Variants in ZFYVE28 observed in about 807,000 individuals in gnomAD.
ZFYVE28 encodes zinc finger FYVE-type containing 28, also known as lateral signaling target protein 2 homolog.
In ZFYVE28, 40 loss-of-function variants were observed where a neutral mutation model predicts 82.1. That is an observed-to-expected ratio of 0.49 (90% CI 0.38 to 0.63). The LOEUF is 0.63. Among genes scored for constraint, ZFYVE28 ranks in the 30% least tolerant of loss-of-function variants. The pLI is 0.00. For synonymous variants in ZFYVE28, 612 were observed against 546.1 expected (o/e 1.12, Z -1.68); for missense variants, 1,321 against 1,242.1 (o/e 1.06, Z -0.96).
Position 2,305,414 on chromosome 4 carries a change from G to A in ZFYVE28, c.926C>T (p.Ala309Val), listed in dbSNP as rs757502325. 1 of 1,612,842 alleles carries A rather than the reference G, an allele frequency of 6.2e-7. No homozygotes were observed. Among genetic ancestry groups the A allele is most frequent in the Non-Finnish European group, 8.5e-7 (1 of 1,179,954 alleles). ...CTCAGGGGGGAGAGGGGCAGAGAGG[G>A]CAGGCGCCAGGGCAGCGGGTCCCTG... Reference protein sequence around the residue: ...DVQGPAALAPALSAPLPPEGP... With the variant: ...DVQGPAALAPVLSAPLPPEGP... Residue 309 changes from alanine to valine, a missense_variant, in exon 8 of 13, where the codon GCC becomes GTC. By Grantham distance (64) the Ala-to-Val change is moderately conservative. Coordinates refer to ENST00000290974, the MANE Select transcript of ZFYVE28 (RefSeq NM_020972.3).
chr4:2,400,138 A>G (rs558589221), intron 1 of ZFYVE28, among the ~76,000 whole-genome samples: 10 of 152,362 alleles, frequency 6.6e-5, no homozygotes, highest in East Asian at 3.9e-4. Flanking sequence ...AGAGCCTGCA[A>G]TCTGCCTCGG....
chr4:2,404,048 T>C (rs1208128462), intron 1 of ZFYVE28, among the ~76,000 whole-genome samples: 1 of 149,984 alleles, frequency 6.7e-6, no homozygotes, highest in Non-Finnish European at 1.5e-5. Flanking sequence ...GGGCCGGGCA[T>C]GGTGGCTCAC....
intron 6 of ZFYVE28, chr4:2,330,928 G>T: frequency 1.3e-6 from 2 of 1,535,160 alleles, no homozygotes; most frequent in Non-Finnish European, 1.7e-6. Context: ...GGGCAGAGAT[G>T]ACACCTTGTT....
At position 2,418,387 on chromosome 4, in the gene ZFYVE28, C is replaced by T; in HGVS notation, c.-64G>A. On this transcript the variant is annotated 5_prime_UTR_variant, in exon 1 of 13. Transcript: ENST00000290974. This position sits in a 1 kb window ranked among gnomAD's most constrained non-coding sequence, Gnocchi z 4.6. ...CCCTCCGCAGCGCTGCGCCCGGGCC[C>T]GGCTGAGGCGCGGGGCGGACGCGGA... 8.3e-7 allele frequency: 1 copy of T among 1,200,566 alleles called. No homozygotes were observed. The highest frequency in any genetic ancestry group is 1.6e-5 in the African/African-American group (1 of 61,854). 74.4% of individuals were successfully genotyped at this position (1,200,566 alleles called of 1,614,324 possible).
chr4:2,353,799 G>T (rs1174090161), intron 2 of ZFYVE28, 134 bp downstream of exon 2: 3 of 1,146,824 alleles, frequency 2.6e-6, no homozygotes, highest in Non-Finnish European at 3.4e-6. Flanking sequence ...TCCTGGGCCT[G>T]GCTTCTCTAG....
chr4:2,333,815 T>G (rs1721121625), intron 6 of ZFYVE28, among the ~76,000 whole-genome samples: 1 of 152,246 alleles, frequency 6.6e-6, no homozygotes, highest in Non-Finnish European at 1.5e-5. Flanking sequence ...TTTGCTGTTC[T>G]GTTTTTTAAA....
Position 2,418,204 on chromosome 4 carries a change from G to T in ZFYVE28, c.39+81C>A. 2 of 1,391,168 alleles carry T rather than the reference G, an allele frequency of 1.4e-6. No individual in the cohort carries two copies. Among genetic ancestry groups the T allele is most frequent in the Non-Finnish European group, 1.9e-6 (2 of 1,038,346 alleles). The allele number at this position is 1,391,168 out of a possible 1,614,324, so 86.2% of individuals were successfully genotyped here. A position where few individuals can be genotyped will look rare whatever the true frequency, so the allele number is the denominator to read the frequency against. Reference sequence around the variant, plus strand: ...GGCCACGGACAGGGAAAGGGAGTCCGTCTTGTAGGGCGGACGGGCGGTCCT... The same window carrying T: ...GGCCACGGACAGGGAAAGGGAGTCCTTCTTGTAGGGCGGACGGGCGGTCCT... On this transcript the variant is annotated intron_variant, in intron 1 of 12. Coordinates refer to ENST00000290974, the MANE Select transcript of ZFYVE28 (RefSeq NM_020972.3). The surrounding 1 kb of genome is among the most constrained non-coding windows in gnomAD (Gnocchi z 4.6).
intron 1 of ZFYVE28, among the ~76,000 whole-genome samples, chr4:2,374,147 T>C (rs1372763077): frequency 6.6e-6 from 1 of 152,234 alleles, no homozygotes; most frequent in Non-Finnish European, 1.5e-5. Context: ...CAGCCCACCA[T>C]GTCCGTAGGT....
intron 1 of ZFYVE28, among the ~76,000 whole-genome samples, chr4:2,401,177 G>C (rs933141635): frequency 6.6e-6 from 1 of 152,220 alleles, no homozygotes; most frequent in Non-Finnish European, 1.5e-5. Flanking sequence ...TGGAACTAAG[G>C]GGGGCCCCGA....
chr4:2,301,536 A>C (rs1396536431), intron 8 of ZFYVE28, among the ~76,000 whole-genome samples: 1 of 152,090 alleles, frequency 6.6e-6, no homozygotes, highest in Non-Finnish European at 1.5e-5. Context: ...GCTGAGCTGC[A>C]TAAGGCCTGG....
At chr4:2,308,622 GAAGACAGAAAGA>G (rs1203477863) in intron 7 of ZFYVE28, among the ~76,000 whole-genome samples, 1 of 81,742 alleles carries the variant, frequency 1.2e-5, no homozygotes, top group Non-Finnish European at 2.4e-5. Flanking sequence ...AAGAAAGAAA[GAAGACAGAAAGA>G]AAGAAAGAAA....
chr4:2,304,464 G>A lies in ZFYVE28; in HGVS notation c.1876C>T (p.Pro626Ser), dbSNP rs765796817. The change falls in exon 8 of 13, where the codon CCC becomes TCC. Residue 626 changes from proline to serine, a missense_variant. Pro to Ser is a moderately conservative substitution (Grantham distance 74). This residue lies in a region of ZFYVE28 where 978 missense variants were observed against 833.7 expected (regional missense o/e 1.17). Coordinates refer to ENST00000290974, the MANE Select transcript of ZFYVE28 (RefSeq NM_020972.3). ...CACTTGTCGGAAGTGGGGGCTTTGG[G>A]CTCCCGCCCGTTGGAGGCATCTTCT... ...PSEDASNGREPKAPTSDKCLP... is the reference protein window; with the variant it reads ...PSEDASNGRESKAPTSDKCLP... 2.5e-6 allele frequency: 4 copies of A among 1,613,504 alleles called. No individual in the cohort carries two copies. The highest frequency in any genetic ancestry group is 2.5e-6 in the Non-Finnish European group (3 of 1,179,932).
At chr4:2,307,662 A>T (rs545423814) in intron 7 of ZFYVE28, among the ~76,000 whole-genome samples, 1 of 151,908 alleles carries the variant, frequency 6.6e-6, no homozygotes, top group Non-Finnish European at 1.5e-5. Flanking sequence ...ATTTTTAATT[A>T]AAAAAATTTT....
At chr4:2,343,514 G>C (rs1723106025) in intron 2 of ZFYVE28, 1 of 152,230 alleles carries the variant, frequency 6.6e-6, no homozygotes, top group Non-Finnish European at 1.5e-5. Flanking sequence ...CAACCAATAA[G>C]TGGGACTACT....
intron 1 of ZFYVE28, among the ~76,000 whole-genome samples, chr4:2,358,346 G>A (rs989123164): frequency 7.2e-5 from 11 of 152,372 alleles, no homozygotes; most frequent in South Asian, 4.1e-4. Flanking sequence ...AGCTCCCACA[G>A]GGGTGACATG....
chr4:2,291,168 G>A (rs1336130256), intron 8 of ZFYVE28, among the ~76,000 whole-genome samples: 1 of 152,180 alleles, frequency 6.6e-6, no homozygotes, highest in Non-Finnish European at 1.5e-5. Flanking sequence ...GTCTCAGAGA[G>A]GTGGGTGAAG....
In ZFYVE28 at chr4:2,270,051, A is replaced by G. The variant is rs1390915309; in HGVS notation, c.*674T>C. ...GGTGTCAGTGCCTGGTCGGACCCCC[A>G]TGCCATCAGCAAGGGGACAGTGGTG... is the stretch of plus-strand genomic sequence containing the variant. On this transcript the variant is annotated 3_prime_UTR_variant, in exon 13 of 13. Transcript: ENST00000290974. The G allele has an allele frequency of 6.6e-6, 1 of 152,494 alleles. No individual in the cohort carries two copies. 9.4% of individuals were successfully genotyped at this position (152,494 alleles called of 1,614,324 possible). A position where few individuals can be genotyped will look rare whatever the true frequency, so the allele number is the denominator to read the frequency against.
At chr4:2,358,130 A>G (rs1469520651) in intron 1 of ZFYVE28, among the ~76,000 whole-genome samples, 1 of 152,046 alleles carries the variant, frequency 6.6e-6, no homozygotes, top group Non-Finnish European at 1.5e-5. Flanking sequence ...TGCTCTGGAG[A>G]GGCCAAGAAC....
chr4:2,312,444 TG>T (rs1311083209), intron 7 of ZFYVE28, among the ~76,000 whole-genome samples: 1 of 152,078 alleles, frequency 6.6e-6, no homozygotes, highest in East Asian at 1.9e-4. Context: ...AGAAGTGTTT[TG>T]GGGCCGGGCG....
Sources: allele counts gnomAD v4.1 joint callset (sites outside exome capture counted in the v4.1 genomes callset), GRCh38; gene constraint gnomAD v4.1.1; regional missense constraint gnomAD v4.1.1; non-coding constraint Gnocchi (gnomAD v3.1); transcripts MANE v1.5; gene names NCBI Gene and HGNC (gene_info 2026-07-23, HGNC 2026-07-21).